R3HDM2: variants seen among roughly 807,000 people sequenced by gnomAD.
R3HDM2 encodes R3H domain containing 2.
In R3HDM2, 38 loss-of-function variants were observed where a neutral mutation model predicts 124.5. That is an observed-to-expected ratio of 0.31 (90% CI 0.24 to 0.40). R3HDM2 has a LOEUF of 0.40. Ranked by LOEUF, R3HDM2 falls within the 10% of genes least tolerant of loss-of-function variation. The pLI is 1.00. For missense variants in R3HDM2, 869 were observed against 1,236.9 expected (o/e 0.70, Z 4.46); for synonymous variants, 391 against 448.0 (o/e 0.87, Z 1.61).
rs763121281 is a variant in R3HDM2, at chr12:57,288,997, A to C, written c.938+12T>G. 6.5e-6 allele frequency: 10 copies of C among 1,549,648 alleles called. No individual in the cohort carries two copies. In the South Asian group the frequency reaches 8.3e-5, roughly 13 times the overall value. ...TCAATGAGAAGCAGGGAACATGCTA[A>C]GTGGTACTAACCTGATGTCATTTAG... On this transcript the variant is annotated intron_variant, in intron 12 of 23. Coordinates refer to ENST00000402412, the MANE Select transcript of R3HDM2 (RefSeq NM_001394031.1).
At chr12:57,287,817 C>T (rs1056198073) in intron 12 of R3HDM2, among the ~76,000 whole-genome samples, 1 of 152,100 alleles carries the variant, frequency 6.6e-6, no homozygotes, top group South Asian at 2.1e-4. Context: ...CTTACCACTG[C>T]CTTGTATTAT....
In R3HDM2 at chr12:57,363,709, G is replaced by A. The variant is rs181732391; in HGVS notation, c.-36+32040C>T. 1.9e-3 allele frequency among the ~76,000 whole-genome samples: 292 copies of A among 152,050 alleles called. 2 individuals carry two copies. Among genetic ancestry groups the A allele is most frequent in the African/African-American group, 4.8e-3 (198 of 41,496 alleles). On this transcript the variant is annotated intron_variant, in intron 2 of 23. Transcript: ENST00000402412. ...TAAATATATACAATTATTATATTAT[G>A]TCAATTTTTTAAAAAGGCTGAGTGT... is the stretch of plus-strand genomic sequence containing the variant.
intron 5 of R3HDM2, 102 bp from the exon 6 acceptor site, chr12:57,299,580 C>G (rs1392381586): frequency 8.5e-7 from 1 of 1,180,822 alleles, no homozygotes; most frequent in African/African-American, 1.6e-5. Flanking sequence ...GCAGCTCTCT[C>G]TTATAGATTA....
chr12:57,420,823 G>A (rs887752460), intron 1 of R3HDM2, among the ~76,000 whole-genome samples: 11 of 151,906 alleles, frequency 7.2e-5, no homozygotes, highest in Admixed American at 2.6e-4. Flanking sequence ...CAACTACAAC[G>A]TATATACTAC....
intron 2 of R3HDM2, among the ~76,000 whole-genome samples, chr12:57,320,337 G>A (rs983992189): frequency 7.4e-6 from 1 of 135,456 alleles, no homozygotes; most frequent in Non-Finnish European, 1.5e-5. Context: ...AGGCAGAGAA[G>A]TAATTCCATT....
chr12:57,263,404 A>C (rs946513451), intron 19 of R3HDM2, among the ~76,000 whole-genome samples: 4 of 152,210 alleles, frequency 2.6e-5, no homozygotes, highest in African/African-American at 4.8e-5. Flanking sequence ...AGAGAGACCA[A>C]TAACATAATA....
chr12:57,376,364 G>A (rs2064073254), intron 2 of R3HDM2, among the ~76,000 whole-genome samples: 1 of 152,150 alleles, frequency 6.6e-6, no homozygotes, highest in African/African-American at 2.4e-5. Context: ...TGTTATACAC[G>A]TTCCATTGCC....
intron 2 of R3HDM2, among the ~76,000 whole-genome samples, chr12:57,381,544 C>A (rs1337349290): frequency 1.1e-3 from 88 of 76,558 alleles, no homozygotes; most frequent in African/African-American, 3.6e-3. Flanking sequence ...GACTCCATCT[C>A]AAAAAAAAAA....
At position 57,374,683 on chromosome 12, in the gene R3HDM2, TA is replaced by T. The variant is rs56197858; in HGVS notation, c.-36+21065del. 8.7e-3 allele frequency among the ~76,000 whole-genome samples: 244 copies of T among 28,084 alleles called. 1 individual carries two copies. The highest frequency in any genetic ancestry group is 0.033 in the African/African-American group (208 of 6,260). The allele number at this position is 28,084 out of a possible 152,430, so 18.4% of individuals were successfully genotyped here. ...GGGCAAAAAGAGAGAAATTCTATCT[TA>T]AAAAAAAAAAAAAAAAAAAAAAAAA... On this transcript the variant is annotated intron_variant, in intron 2 of 23. Coordinates refer to ENST00000402412, the MANE Select transcript of R3HDM2 (RefSeq NM_001394031.1).
intron 19 of R3HDM2, among the ~76,000 whole-genome samples, chr12:57,261,359 C>A (rs892901771): frequency 3.3e-5 from 5 of 152,132 alleles, no homozygotes; most frequent in Non-Finnish European, 7.3e-5. Context: ...TAGAAAGCAG[C>A]TCATAATCTG....
At chr12:57,402,411 C>T (rs1402567907) in intron 1 of R3HDM2, among the ~76,000 whole-genome samples, 1 of 152,090 alleles carries the variant, frequency 6.6e-6, no homozygotes, top group African/African-American at 2.4e-5. Context: ...TGCAGTGACG[C>T]CATTTCAGCT....
intron 2 of R3HDM2, among the ~76,000 whole-genome samples, chr12:57,343,106 G>C (rs2059736009): frequency 1.3e-5 from 2 of 151,456 alleles, no homozygotes; most frequent in South Asian, 4.2e-4. Context: ...GTACAAAGGA[G>C]ACCAGGAAAG....
Position 57,345,636 on chromosome 12 carries a change from C to A in R3HDM2, c.-35-35173G>T, listed in dbSNP as rs187879092. Among the ~76,000 whole-genome samples the A allele has an allele frequency of 1.1e-4, 16 of 152,236 alleles. No individual in the cohort carries two copies. The East Asian group carries it at 2.3e-3, about 22-fold the overall frequency. On this transcript the variant is annotated intron_variant, in intron 2 of 23. Coordinates refer to ENST00000402412, the MANE Select transcript of R3HDM2 (RefSeq NM_001394031.1). ...GCAGCGTTGAACTTCTGGGCTCAAG[C>A]AATCCTCCTGCCTCCTGGTTCTGGC...
At chr12:57,396,237 C>T (rs1251702412) in intron 1 of R3HDM2, among the ~76,000 whole-genome samples, 1 of 151,208 alleles carries the variant, frequency 6.6e-6, no homozygotes, top group Non-Finnish European at 1.5e-5. Flanking sequence ...GTCAGGAGTT[C>T]AAGACCAGTC....
At chr12:57,288,801 G>T in intron 12 of R3HDM2, 1 of 1,444,904 alleles carries the variant, frequency 6.9e-7, no homozygotes, top group Non-Finnish European at 9.5e-7. Context: ...AAAGATTACA[G>T]CAAAACAAAA....
chr12:57,339,868 C>A (rs955856186), intron 2 of R3HDM2, among the ~76,000 whole-genome samples: 1 of 152,166 alleles, frequency 6.6e-6, no homozygotes, highest in African/African-American at 2.4e-5. Flanking sequence ...TTATCCCAAA[C>A]GGGGTGATGC....
chr12:57,352,562 G>C (rs1026831699), intron 2 of R3HDM2, among the ~76,000 whole-genome samples: 1 of 149,068 alleles, frequency 6.7e-6, no homozygotes, highest in Non-Finnish European at 1.5e-5. Flanking sequence ...GCATGATCTC[G>C]GCTCACTGCA....
chr12:57,359,760 T>C (rs2061662902), intron 2 of R3HDM2, among the ~76,000 whole-genome samples: 1 of 144,054 alleles, frequency 6.9e-6, no homozygotes, highest in Non-Finnish European at 1.6e-5. Flanking sequence ...TTCTCTCATC[T>C]TTTAGATTAA....
At chr12:57,332,905 T>C (rs1331512046) in intron 2 of R3HDM2, among the ~76,000 whole-genome samples, 1 of 152,232 alleles carries the variant, frequency 6.6e-6, no homozygotes, top group Non-Finnish European at 1.5e-5. Context: ...CATGGGCCTT[T>C]GGATATCGCT....
Sources: gnomAD v4.1 joint callset for allele counts (sites outside exome capture counted in the v4.1 genomes callset) on GRCh38, gnomAD v4.1.1 for gene constraint, MANE v1.5 for transcripts, NCBI Gene and HGNC (gene_info 2026-07-23, HGNC 2026-07-21) for gene names.